The following CPNE4 variants were observed in gnomAD, a reference collection of about 807,000 sequenced individuals.
CPNE4 encodes copine 4.
CPNE4 carries 25 observed loss-of-function variants against 67.9 expected under a neutral mutation model. That is an observed-to-expected ratio of 0.37 (90% CI 0.27 to 0.51). The LOEUF (loss-of-function observed/expected upper bound fraction) is 0.51, where lower values mean the gene tolerates loss of function less well. Ranked by LOEUF, CPNE4 falls within the 20% of genes least tolerant of loss-of-function variation. The pLI, the probability that CPNE4 is intolerant of heterozygous loss-of-function variation, is 0.93. For missense variants in CPNE4, 464 were observed against 690.8 expected, an observed-to-expected ratio of 0.67 and a Z score of 3.68; for synonymous variants, 242 against 244.9, an observed-to-expected ratio of 0.99 and a Z score of 0.11.
intron 2 of CPNE4, among the ~76,000 whole-genome samples, chr3:131,890,410 T>C (rs550623392): frequency 6.6e-5 from 10 of 151,172 alleles, no homozygotes; most frequent in Admixed American, 4.6e-4. Context: ...CCTGTAAGCA[T>C]AGGCATTATT....
chr3:131,975,199 G>C (rs1489278940), intron 1 of CPNE4, among the ~76,000 whole-genome samples: 1 of 152,114 alleles, frequency 6.6e-6, no homozygotes, highest in Non-Finnish European at 1.5e-5. Context: ...AGGTTCTGGG[G>C]CTTTTAAATG....
At chr3:131,564,914 T>G (rs1936976214) in intron 10 of CPNE4, among the ~76,000 whole-genome samples, 1 of 152,002 alleles carries the variant, frequency 6.6e-6, no homozygotes, top group Admixed American at 6.6e-5. Context: ...TTGGTTCTCG[T>G]TCATGTAAGA....
intron 2 of CPNE4, among the ~76,000 whole-genome samples, chr3:131,796,181 A>G (rs1165813389): frequency 6.6e-6 from 1 of 151,308 alleles, no homozygotes; most frequent in African/African-American, 2.4e-5. Flanking sequence ...GGAGCTATTT[A>G]TTTGCTCTTC....
At chr3:131,785,554 G>T (rs894585230) in intron 2 of CPNE4, among the ~76,000 whole-genome samples, 2 of 151,782 alleles carry the variant, frequency 1.3e-5, no homozygotes, top group Non-Finnish European at 2.9e-5. Context: ...TCTTGACTTA[G>T]TGTATGTTTT....
chr3:131,952,615 G>A (rs1560666582), intron 1 of CPNE4, among the ~76,000 whole-genome samples: 2 of 138,488 alleles, frequency 1.4e-5, no homozygotes. Flanking sequence ...TCCGGAGGGA[G>A]GTGGGGGGGT....
intron 1 of CPNE4, among the ~76,000 whole-genome samples, chr3:131,930,446 T>TAAAAA (rs955767689): frequency 3.4e-5 from 4 of 119,086 alleles, no homozygotes; most frequent in East Asian, 2.7e-4. Context: ...ATTTCCAATT[T>TAAAAA]AAAAAAAACA....
chr3:131,718,527 T>C (rs570473695), intron 3 of CPNE4, among the ~76,000 whole-genome samples: 12 of 152,208 alleles, frequency 7.9e-5, no homozygotes, highest in Admixed American at 2.0e-4. Flanking sequence ...CGTGTACCAG[T>C]CATTTTGTCC....
intron 7 of CPNE4, among the ~76,000 whole-genome samples, chr3:131,626,799 A>G (rs192710827): frequency 6.6e-6 from 1 of 152,340 alleles, no homozygotes; most frequent in Non-Finnish European, 1.5e-5. Flanking sequence ...GGAGAAGTCA[A>G]TGCCCGGCTT....
chr3:131,672,089 AC>A (rs2080432919), intron 6 of CPNE4, among the ~76,000 whole-genome samples: 1 of 152,114 alleles, frequency 6.6e-6, no homozygotes, highest in African/African-American at 2.4e-5. Flanking sequence ...GTCCTTCTGT[AC>A]TTAGCTTATT....
chr3:131,804,583 CA>C (rs1279234704), intron 2 of CPNE4, among the ~76,000 whole-genome samples: 2 of 152,158 alleles, frequency 1.3e-5, no homozygotes, highest in Non-Finnish European at 2.9e-5. Flanking sequence ...ACATCCTTTA[CA>C]ATGTGACTTT....
At chr3:131,970,384 A>G (rs1175557096) in intron 1 of CPNE4, among the ~76,000 whole-genome samples, 1 of 152,222 alleles carries the variant, frequency 6.6e-6, no homozygotes, top group Non-Finnish European at 1.5e-5. Context: ...TATGCTGACC[A>G]ATACAGTGCT....
chr3:132,037,251 G>A (rs536490084), upstream of CPNE4, among the ~76,000 whole-genome samples: 4 of 151,840 alleles, frequency 2.6e-5, no homozygotes, highest in South Asian at 4.2e-4. Context: ...CTTCAGCTCC[G>A]TAATTAGAAA....
intron 1 of CPNE4, among the ~76,000 whole-genome samples, chr3:132,018,050 A>G (rs2073923042): frequency 6.6e-6 from 1 of 152,160 alleles, no homozygotes; most frequent in Non-Finnish European, 1.5e-5. Flanking sequence ...AATCTTGGCA[A>G]ATGTACAACT....
rs144202179 is a variant in CPNE4 at position 131,775,041 on chromosome 3, T to C, written c.181-51416A>G. Among the ~76,000 whole-genome samples the C allele has an allele frequency of 8.5e-5, 13 of 152,244 alleles. No individual in the cohort carries two copies. The East Asian group carries it at 2.5e-3, about 29-fold the overall frequency. ...TTCAGAAACTGTCTTTTAACTGATC[T>C]GGTCTAATTTCTTCTTTCTTACCTA... On this transcript the variant is annotated intron_variant, in intron 2 of 15. Transcript: ENST00000429747.
intron 12 of CPNE4, among the ~76,000 whole-genome samples, chr3:131,554,041 G>T (rs955178508): frequency 6.6e-6 from 1 of 152,078 alleles, no homozygotes; most frequent in African/African-American, 2.4e-5. Flanking sequence ...CCAAAAAGAT[G>T]TCATTAGTGA....
chr3:131,745,937 T>C (rs1312930712), intron 2 of CPNE4, among the ~76,000 whole-genome samples: 1 of 152,158 alleles, frequency 6.6e-6, no homozygotes, highest in Non-Finnish European at 1.5e-5. Context: ...CTGGTATTTT[T>C]ATAGAAATTA....
chr3:131,916,035 G>A (rs977231458), intron 1 of CPNE4, among the ~76,000 whole-genome samples: 3 of 152,178 alleles, frequency 2.0e-5, no homozygotes, highest in South Asian at 2.1e-4. Flanking sequence ...GAACTAAATC[G>A]CAAGAGAAAT....
intron 2 of CPNE4, among the ~76,000 whole-genome samples, chr3:131,903,491 C>T (rs558344490): frequency 1.2e-4 from 19 of 152,100 alleles, no homozygotes; most frequent in Admixed American, 2.6e-4. Context: ...AACCTAGCTG[C>T]GGAATTCAAC....
At chr3:131,613,334 G>A (rs894981261) in intron 7 of CPNE4, among the ~76,000 whole-genome samples, 6 of 151,972 alleles carry the variant, frequency 3.9e-5, no homozygotes, top group African/African-American at 1.2e-4. Context: ...GTTTCTTGTG[G>A]CTTCACTAAA....
Sources: gnomAD v4.1 joint callset for allele counts (sites outside exome capture counted in the v4.1 genomes callset) on GRCh38, gnomAD v4.1.1 for gene constraint, MANE v1.5 for transcripts, NCBI Gene and HGNC (gene_info 2026-07-23, HGNC 2026-07-21) for gene names.